FOXP2: variants seen among roughly 807,000 people sequenced by gnomAD.
FOXP2 encodes forkhead box protein P2.
FOXP2 carries 12 observed loss-of-function variants against 115.8 expected under a neutral mutation model. The ratio of observed to expected loss-of-function variants is 0.10; its 90% confidence interval spans 0.07 to 0.17. The LOEUF (loss-of-function observed/expected upper bound fraction) is 0.17, where lower values mean the gene tolerates loss of function less well. FOXP2 is among the 10% of genes least tolerant of loss of function. The pLI is 1.00. For missense variants in FOXP2, 629 were observed against 843.5 expected (o/e 0.75, Z 3.15); for synonymous variants, 328 against 297.7 (o/e 1.10, Z -1.05).
At chr7:114,196,287 G>T (rs1158371247) in intron 1 of FOXP2, among the ~76,000 whole-genome samples, 1 of 152,018 alleles carries the variant, frequency 6.6e-6, no homozygotes, top group Admixed American at 6.6e-5. Context: ...TGTGATTATA[G>T]GCATGAGCCA....
intron 13 of FOXP2, among the ~76,000 whole-genome samples, chr7:114,660,039 G>C (rs138378653): frequency 1.3e-5 from 2 of 152,162 alleles, no homozygotes; most frequent in Admixed American, 1.3e-4. Context: ...GCAACAAATG[G>C]AGGCTGTAGG....
intron 2 of FOXP2, among the ~76,000 whole-genome samples, chr7:114,517,849 C>T (rs916659913): frequency 6.0e-5 from 9 of 150,774 alleles, no homozygotes; most frequent in South Asian, 2.1e-4. Context: ...ATTTTTTTTT[C>T]GATTTCCGTG....
At chr7:114,419,238 T>G (rs1793489653) in intron 1 of FOXP2, among the ~76,000 whole-genome samples, 1 of 151,970 alleles carries the variant, frequency 6.6e-6, no homozygotes, top group African/African-American at 2.4e-5. Flanking sequence ...TATTGGCATT[T>G]TCTATTGTTT....
intron 16 of FOXP2, among the ~76,000 whole-genome samples, chr7:114,673,377 A>G (rs1365842879): frequency 1.3e-5 from 2 of 152,180 alleles, no homozygotes; most frequent in Non-Finnish European, 2.9e-5. Context: ...TTACATCTGT[A>G]TTTTCATTTT....
At chr7:114,654,879 G>A (rs565139767) in intron 10 of FOXP2, among the ~76,000 whole-genome samples, 1 of 152,094 alleles carries the variant, frequency 6.6e-6, no homozygotes, top group African/African-American at 2.4e-5. Flanking sequence ...GGAGGAGACA[G>A]AAGACGACTA....
At chr7:114,129,093 C>T (rs1791803230) in intron 1 of FOXP2, among the ~76,000 whole-genome samples, 1 of 152,074 alleles carries the variant, frequency 6.6e-6, no homozygotes, top group Admixed American at 6.6e-5. Context: ...TTGTCCTTTC[C>T]ATTCAGGAAA....
intron 3 of FOXP2, among the ~76,000 whole-genome samples, chr7:114,579,579 C>T (rs1023393236): frequency 6.6e-6 from 1 of 152,106 alleles, no homozygotes; most frequent in South Asian, 2.1e-4. Flanking sequence ...CCCCCCATAG[C>T]CTGTTTCCTT....
chr7:114,354,765 C>G (rs1791575086), intron 2 of FOXP2, among the ~76,000 whole-genome samples: 1 of 152,018 alleles, frequency 6.6e-6, no homozygotes, highest in African/African-American at 2.4e-5. Flanking sequence ...TGTTTTTAAT[C>G]TGTTAAAAGT....
chr7:114,488,562 A>T (rs1398292178), intron 2 of FOXP2, among the ~76,000 whole-genome samples: 2 of 152,204 alleles, frequency 1.3e-5, no homozygotes, highest in Admixed American at 1.3e-4. Context: ...TACAGATTTT[A>T]ACTTTCATCT....
chr7:114,108,300 A>G (rs980628469), intron 1 of FOXP2, among the ~76,000 whole-genome samples: 10 of 151,914 alleles, frequency 6.6e-5, no homozygotes, highest in African/African-American at 2.4e-4. Context: ...TTTCAAGACC[A>G]AGCTTGGTAT....
chr7:114,459,092 G>A (rs962670806), intron 2 of FOXP2, among the ~76,000 whole-genome samples: 1 of 152,168 alleles, frequency 6.6e-6, no homozygotes, highest in Admixed American at 6.5e-5. Flanking sequence ...CATAGAGCCA[G>A]TTTTAGTTCA....
chr7:114,387,021 G>A (rs1173979425), intron 2 of FOXP2, among the ~76,000 whole-genome samples: 1 of 152,124 alleles, frequency 6.6e-6, no homozygotes, highest in Admixed American at 6.6e-5. Context: ...ATTTAGAAAA[G>A]CAACTTACCC....
intron 2 of FOXP2, among the ~76,000 whole-genome samples, chr7:114,517,339 TA>T (rs1441866339): frequency 6.6e-6 from 1 of 152,184 alleles, no homozygotes; most frequent in African/African-American, 2.4e-5. Context: ...AGAAGCTTTT[TA>T]GTTTGATGCA....
intron 1 of FOXP2, among the ~76,000 whole-genome samples, chr7:114,115,850 A>G (rs574059556): frequency 4.0e-4 from 61 of 152,234 alleles, no homozygotes; most frequent in African/African-American, 1.4e-3. Flanking sequence ...CAGCACTTGC[A>G]TGGCACCTGG....
chr7:114,317,524 C>T (rs1361591630), intron 2 of FOXP2, among the ~76,000 whole-genome samples: 4 of 151,936 alleles, frequency 2.6e-5, no homozygotes, highest in Admixed American at 1.3e-4. Flanking sequence ...TTCATACTAT[C>T]TCCACATCTG....
intron 1 of FOXP2, among the ~76,000 whole-genome samples, chr7:114,183,361 TAAAC>T (rs1284754973): frequency 6.6e-6 from 1 of 152,134 alleles, no homozygotes; most frequent in African/African-American, 2.4e-5. Flanking sequence ...AACTGTCAGT[TAAAC>T]AGAGAAATAT....
intron 3 of FOXP2, among the ~76,000 whole-genome samples, chr7:114,550,352 G>A (rs1285759894): frequency 9.2e-5 from 14 of 152,066 alleles, no homozygotes; most frequent in African/African-American, 2.7e-4. Flanking sequence ...CCTTGACCTC[G>A]TGATCCACCT....
chr7:114,110,582 C>T (rs1485348670), intron 1 of FOXP2, among the ~76,000 whole-genome samples: 2 of 152,024 alleles, frequency 1.3e-5, no homozygotes, highest in Non-Finnish European at 2.9e-5. Context: ...TGTTGTCATG[C>T]TCATTGGGGT....
At chr7:114,558,178 C>A (rs972085301) in intron 3 of FOXP2, among the ~76,000 whole-genome samples, 2 of 151,986 alleles carry the variant, frequency 1.3e-5, no homozygotes, top group Non-Finnish European at 2.9e-5. Flanking sequence ...TAATAAAACA[C>A]GTATGAAGTC....
Sources: allele counts gnomAD v4.1 joint callset (sites outside exome capture counted in the v4.1 genomes callset), GRCh38; gene constraint gnomAD v4.1.1; transcripts MANE v1.5; gene names NCBI Gene and HGNC (gene_info 2026-07-23, HGNC 2026-07-21).